TOP6BL: variants seen among roughly 807,000 people sequenced by gnomAD.
TOP6BL encodes the protein TOP6B like initiator of meiotic double strand breaks.
the TOP6BL span, among the ~76,000 whole-genome samples, chr11:66,779,488 C>T: frequency 3.3e-5 from 5 of 152,022 alleles, no homozygotes; most frequent in East Asian, 1.9e-4. Flanking sequence ...GTTAGAATGG[C>T]GATCATTAAA....
At chr11:66,838,244 A>C in the TOP6BL span, 2 of 729,076 alleles carry the variant, frequency 2.7e-6, no homozygotes, top group South Asian at 3.3e-5. Context: ...CAGGAGGAAG[A>C]GGGAGTTCCA....
At chr11:66,768,729 A>AGGG in the TOP6BL span, among the ~76,000 whole-genome samples, 9 of 150,728 alleles carry the variant, frequency 6.0e-5, no homozygotes, top group Middle Eastern at 3.2e-3. Context: ...CATTTATCTA[A>AGGG]TTGCACTTCA....
chr11:66,771,112 ATTT>A, the TOP6BL span: 1 of 147,154 alleles, frequency 6.8e-6, no homozygotes, highest in Non-Finnish European at 1.5e-5. Flanking sequence ...TTTACCTTCT[ATTT>A]TTCTGAAAAG....
chr11:66,793,436 C>CTT, the TOP6BL span, among the ~76,000 whole-genome samples: 7 of 121,190 alleles, frequency 5.8e-5, no homozygotes, highest in South Asian at 5.5e-4. Context: ...ATAATTTTTT[C>CTT]TTTTTTTGTT....
chr11:66,771,863 C>T, the TOP6BL span, among the ~76,000 whole-genome samples: 39 of 152,260 alleles, frequency 2.6e-4, no homozygotes, highest in Non-Finnish European at 5.0e-4. Flanking sequence ...ATGGGTGGGA[C>T]TGTCAAATGC....
chr11:66,762,103 C>G, the TOP6BL span: 28 of 1,077,464 alleles, frequency 2.6e-5, no homozygotes, highest in Non-Finnish European at 3.7e-5. Context: ...CTCCAGACAT[C>G]TTAGGAAGGG....
chr11:66,802,283 G>A, the TOP6BL span, among the ~76,000 whole-genome samples: 1 of 152,110 alleles, frequency 6.6e-6, no homozygotes, highest in East Asian at 1.9e-4. Flanking sequence ...CTCCTGAGTA[G>A]CTGGGACTAT....
the TOP6BL span, among the ~76,000 whole-genome samples, chr11:66,782,245 T>G: frequency 6.6e-6 from 1 of 152,172 alleles, no homozygotes; most frequent in Non-Finnish European, 1.5e-5. Flanking sequence ...ACCAGCAGTT[T>G]TAACAAGGTC....
the TOP6BL span, chr11:66,762,174 C>T: frequency 1.3e-6 from 1 of 773,348 alleles, no homozygotes; most frequent in East Asian, 2.5e-5. Context: ...TCAATCAAAG[C>T]TTTGTCTCCT....
chr11:66,787,550 A>C, the TOP6BL span, among the ~76,000 whole-genome samples: 1 of 111,956 alleles, frequency 8.9e-6, no homozygotes, highest in Non-Finnish European at 1.8e-5. Flanking sequence ...TATTAAAAAT[A>C]CAAAAAAAAA....
At chr11:66,766,926 A>T in the TOP6BL span, among the ~76,000 whole-genome samples, 7 of 152,304 alleles carry the variant, frequency 4.6e-5, no homozygotes, top group East Asian at 9.6e-4. Context: ...TGATATTGAC[A>T]TACTCATAAT....
chr11:66,833,488 C>T, the TOP6BL span, among the ~76,000 whole-genome samples: 1,146 of 152,282 alleles, frequency 7.5e-3, 12 homozygotes, highest in African/African-American at 0.026. Context: ...CAGTTCACTA[C>T]AGCCATCCAC....
chr11:66,766,117 C>T, the TOP6BL span, among the ~76,000 whole-genome samples: 19 of 152,286 alleles, frequency 1.2e-4, no homozygotes, highest in African/African-American at 4.6e-4. Context: ...GTTAATATGT[C>T]TGTAAATTCA....
At chr11:66,774,005 AGG>A in the TOP6BL span, among the ~76,000 whole-genome samples, 1 of 152,208 alleles carries the variant, frequency 6.6e-6, no homozygotes, top group African/African-American at 2.4e-5. Flanking sequence ...CTGGGATTCT[AGG>A]TGTGAGCCAC....
the TOP6BL span, among the ~76,000 whole-genome samples, chr11:66,776,588 G>A: frequency 0.015 from 2,327 of 152,032 alleles, 36 homozygotes; most frequent in South Asian, 0.04. Context: ...AAGAGTTCGA[G>A]ACCAGCCTGG....
chr11:66,755,404 A>G, the TOP6BL span, among the ~76,000 whole-genome samples: 2 of 152,158 alleles, frequency 1.3e-5, no homozygotes, highest in Non-Finnish European at 2.9e-5. Context: ...TACAGGCATG[A>G]GCCACTGTGC....
chr11:66,803,484 A>C, the TOP6BL span, among the ~76,000 whole-genome samples: 1 of 152,178 alleles, frequency 6.6e-6, no homozygotes, highest in Non-Finnish European at 1.5e-5. Flanking sequence ...GCTGGAGTGC[A>C]GTGGCGCAAT....
chr11:66,763,696 C>G, the TOP6BL span, among the ~76,000 whole-genome samples: 1 of 152,126 alleles, frequency 6.6e-6, no homozygotes, highest in African/African-American at 2.4e-5. Flanking sequence ...CCCCAAGCTC[C>G]TGGACTTGAG....
At chr11:66,841,431 C>T in the TOP6BL span, among the ~76,000 whole-genome samples, 1 of 152,166 alleles carries the variant, frequency 6.6e-6, no homozygotes, top group Non-Finnish European at 1.5e-5. Context: ...GCCTCTCCCA[C>T]ATCCAGGCGC....
Sources: allele counts gnomAD v4.1 joint callset (sites outside exome capture counted in the v4.1 genomes callset), GRCh38; gene constraint gnomAD v4.1.1; transcripts MANE v1.5; gene names NCBI Gene and HGNC (gene_info 2026-07-23, HGNC 2026-07-21).